TEX264: variants seen among roughly 807,000 people sequenced by gnomAD.
TEX264 encodes the protein testis-expressed protein 264.
TEX264 carries 13 observed loss-of-function variants against 23.4 expected under a neutral mutation model. The observed-to-expected ratio is 0.56, with a 90% CI of 0.36 to 0.88. The LOEUF is 0.88. Among genes scored for constraint, TEX264 ranks in the 40% least tolerant of loss-of-function variants. TEX264 has a pLI of 0.01. For synonymous variants in TEX264, 159 were observed against 170.0 expected (o/e 0.94, Z 0.50); for missense variants, 340 against 406.8 (o/e 0.84, Z 1.41).
chr3:51,689,756 C>G (rs1462030321), intron 3 of TEX264, among the ~76,000 whole-genome samples: 1 of 152,238 alleles, frequency 6.6e-6, no homozygotes, highest in African/African-American at 2.4e-5. Context: ...CACTACATGT[C>G]TGTTCTCGAT....
rs745345314 is a variant in TEX264, at chr3:51,674,502, G to A, written c.198G>A (p.Glu66=). The A allele has an allele frequency of 3.1e-6, 5 of 1,614,194 alleles. No individual in the cohort carries two copies. The highest frequency in any genetic ancestry group is 4.2e-6 in the Non-Finnish European group (5 of 1,180,046). The change falls in exon 2 of 5, where the codon GAG becomes GAA. Residue 66 remains glutamate (E), a synonymous_variant. Coordinates refer to ENST00000341333, the MANE Select transcript of TEX264 (RefSeq NM_015926.6). ...GTGAGACTGGGCGGCTTTTCACTGAGAGCTGCAGCATCTCTCCCAAGCTCC... is the reference window on the plus strand; with the variant it reads ...GTGAGACTGGGCGGCTTTTCACTGAAAGCTGCAGCATCTCTCCCAAGCTCC... ...LYGETGRLFT[E]SCSISPKLRS... is the part of the protein sequence containing the mutation.
At chr3:51,677,730 T>C (rs963767763) in intron 2 of TEX264, among the ~76,000 whole-genome samples, 11 of 152,166 alleles carry the variant, frequency 7.2e-5, no homozygotes, top group Admixed American at 6.5e-5. Flanking sequence ...ACCACTAAGA[T>C]TGGACAGTGG....
intron 3 of TEX264, 116 bp downstream of exon 3, chr3:51,684,750 G>T (rs1056315534): frequency 3.1e-6 from 3 of 973,870 alleles, no homozygotes; most frequent in Admixed American, 2.1e-5. Context: ...GCACCCTGGG[G>T]CCCTCATGGA....
At chr3:51,672,844 C>T (rs1398107807) in intron 1 of TEX264, among the ~76,000 whole-genome samples, 2 of 151,966 alleles carry the variant, frequency 1.3e-5, no homozygotes, top group Non-Finnish European at 2.9e-5. Context: ...CAGTGCCTGG[C>T]GTATAGTAAG....
chr3:51,692,265 C>T lies in TEX264; in HGVS notation c.481-7141C>T, dbSNP rs1702856382. On this transcript the variant is annotated intron_variant, in intron 3 of 4. Coordinates refer to ENST00000341333, the MANE Select transcript of TEX264 (RefSeq NM_015926.6). ...CAAAGAAGAATTCTGTTGCTCTTCT[C>T]CAGGAAGCTTGAGATTGGAATTAGG... 2.0e-5 allele frequency among the ~76,000 whole-genome samples: 3 copies of T among 152,148 alleles called. No individual in the cohort carries two copies. The South Asian group carries it at 6.2e-4, about 31-fold the overall frequency.
chr3:51,694,063 TCCCTTCC>T (rs1702946909), intron 3 of TEX264, among the ~76,000 whole-genome samples: 1 of 110,880 alleles, frequency 9.0e-6, no homozygotes, highest in African/African-American at 3.4e-5. Context: ...TCCCTTCCCT[TCCCTTCC>T]CCTTCCTTCC....
intron 3 of TEX264, among the ~76,000 whole-genome samples, chr3:51,698,048 G>C (rs1337532641): frequency 1.3e-5 from 2 of 152,178 alleles, no homozygotes; most frequent in East Asian, 1.9e-4. Context: ...CAGAGGCTGA[G>C]CCACAGCCAG....
chr3:51,704,151 C>G lies in TEX264; in HGVS notation c.*135C>G. On this transcript the variant is annotated 3_prime_UTR_variant, in exon 5 of 5. Transcript: ENST00000341333. ...GGACCTGACTTCCCCTGCTCCAGGC[C>G]TCTTGCTAAGCCTTCTCCTCACTGC... The G allele has an allele frequency of 7.1e-6, 6 of 844,350 alleles. No individual in the cohort carries two copies. Among genetic ancestry groups the G allele is most frequent in the Non-Finnish European group, 8.1e-6 (5 of 617,052 alleles). 52.3% of individuals were successfully genotyped at this position (844,350 alleles called of 1,614,324 possible).
At chr3:51,699,600 G>C in intron 4 of TEX264, 26 bp downstream of exon 4, 1 of 1,610,156 alleles carries the variant, frequency 6.2e-7, no homozygotes, top group Non-Finnish European at 8.5e-7. Context: ...TATGAGGATG[G>C]GGCCCTCCTG....
rs1378413880 is a variant in TEX264, at chr3:51,704,168, C to T, written c.*152C>T. ...CTCCAGGCCTCTTGCTAAGCCTTCTCCTCACTGCCCTTTAGGCTCCCAGGG... is the reference window on the plus strand; with the variant it reads ...CTCCAGGCCTCTTGCTAAGCCTTCTTCTCACTGCCCTTTAGGCTCCCAGGG... On this transcript the variant is annotated 3_prime_UTR_variant, in exon 5 of 5. Transcript: ENST00000341333. The T allele has an allele frequency of 7.6e-6, 5 of 659,994 alleles. No homozygotes were observed. The highest frequency in any genetic ancestry group is 8.7e-6 in the Non-Finnish European group (4 of 458,108). 40.9% of individuals were successfully genotyped at this position (659,994 alleles called of 1,614,324 possible). A position where few individuals can be genotyped will look rare whatever the true frequency, so the allele number is the denominator to read the frequency against.
At position 51,699,501 on chromosome 3, in the gene TEX264, G is replaced by T; in HGVS notation, c.576G>T (p.Val192=). The change falls in exon 4 of 5, where the codon GTG becomes GTT. Residue 192 remains valine, a synonymous_variant. Coordinates refer to ENST00000341333, the MANE Select transcript of TEX264 (RefSeq NM_015926.6). ...TGGCACGGCAGGGAGACTTCTATGT[G>T]CCTGAGATGAAGGAGACAGAGTGGA... ...CPLARQGDFY[V]PEMKETEWKW... is the part of the protein sequence containing the mutation. 5 of 1,614,148 alleles carry T rather than the reference G, an allele frequency of 3.1e-6. No individual in the cohort carries two copies. Among genetic ancestry groups the T allele is most frequent in the Non-Finnish European group, 4.2e-6 (5 of 1,179,966 alleles).
chr3:51,679,009 G>C (rs1473543818), intron 2 of TEX264, among the ~76,000 whole-genome samples: 1 of 152,200 alleles, frequency 6.6e-6, no homozygotes, highest in Non-Finnish European at 1.5e-5. Context: ...CTGTGCAGCA[G>C]GTTAACTATG....
Position 51,703,616 on chromosome 3 carries a change from C to A in TEX264, c.650-108C>A. On this transcript the variant is annotated intron_variant, in intron 4 of 4. Coordinates refer to ENST00000341333, the MANE Select transcript of TEX264 (RefSeq NM_015926.6). The surrounding 1 kb of genome is among the most constrained non-coding windows in gnomAD (Gnocchi z 4.8). Reference sequence around the variant, plus strand: ...GGGCAGCTGGAGCAAGCCCCCTGAGCCCGGGAGGCTGCATTATTCATGAGT... The same window carrying A: ...GGGCAGCTGGAGCAAGCCCCCTGAGACCGGGAGGCTGCATTATTCATGAGT... The A allele has an allele frequency of 8.4e-7, 1 of 1,196,012 alleles. No homozygotes were observed. Among genetic ancestry groups the A allele is most frequent in the Non-Finnish European group, 1.2e-6 (1 of 858,870 alleles). 74.1% of individuals were successfully genotyped at this position (1,196,012 alleles called of 1,614,324 possible). A position where few individuals can be genotyped will look rare whatever the true frequency, so the allele number is the denominator to read the frequency against.
At position 51,703,687 on chromosome 3, in the gene TEX264, G is replaced by A. The variant is rs1286835824; in HGVS notation, c.650-37G>A. 23 of 1,542,378 alleles carry A rather than the reference G, an allele frequency of 1.5e-5. No homozygotes were observed. Among genetic ancestry groups the A allele is most frequent in the Non-Finnish European group, 1.9e-5 (22 of 1,137,716 alleles). ...TCTCCCTGGAGGAGGGGGTGGGGTGGTCCTAGCTAACCTGTGCTCCCTTTT... is the reference window on the plus strand; with the variant it reads ...TCTCCCTGGAGGAGGGGGTGGGGTGATCCTAGCTAACCTGTGCTCCCTTTT... On this transcript the variant is annotated intron_variant, in intron 4 of 4. Transcript: ENST00000341333. The surrounding 1 kb of genome is among the most constrained non-coding windows in gnomAD (Gnocchi z 4.8).
At chr3:51,696,325 A>G (rs931316454) in intron 3 of TEX264, among the ~76,000 whole-genome samples, 21 of 152,150 alleles carry the variant, frequency 1.4e-4, no homozygotes, top group African/African-American at 4.1e-4. Context: ...ACCTTGAGCT[A>G]GTGTCCTTGG....
rs148045890 is a variant in TEX264 at position 51,673,383 on chromosome 3, T to C, written c.-34-888T>C. Among the ~76,000 whole-genome samples, 35 of 152,350 alleles carry C rather than the reference T, an allele frequency of 2.3e-4. 1 individual carries two copies. In the East Asian group the frequency reaches 6.6e-3, roughly 29 times the overall value. On this transcript the variant is annotated intron_variant, in intron 1 of 4. Coordinates refer to ENST00000341333, the MANE Select transcript of TEX264 (RefSeq NM_015926.6). ...GGAGAACTAGGCAGCCTGCCTTGAA[T>C]AGCTCACAGACTGGCCTCTGTGTTA...
chr3:51,675,124 G>C (rs1702186455), intron 2 of TEX264, among the ~76,000 whole-genome samples: 1 of 152,210 alleles, frequency 6.6e-6, no homozygotes, highest in African/African-American at 2.4e-5. Context: ...CCTCAAGCTG[G>C]TGCTGGGAGA....
intron 2 of TEX264, among the ~76,000 whole-genome samples, chr3:51,678,296 C>T (rs1416165013): frequency 6.6e-6 from 1 of 152,184 alleles, no homozygotes; most frequent in East Asian, 1.9e-4. Flanking sequence ...CTCGCTTGAT[C>T]CTGGCCAGCT....
At chr3:51,700,119 C>T (rs2107038786) in intron 4 of TEX264, among the ~76,000 whole-genome samples, 1 of 152,250 alleles carries the variant, frequency 6.6e-6, no homozygotes, top group South Asian at 2.1e-4. Context: ...AGGGCCAGCC[C>T]ACACTCCTGC....
Sources: allele counts gnomAD v4.1 joint callset (sites outside exome capture counted in the v4.1 genomes callset), GRCh38; gene constraint gnomAD v4.1.1; non-coding constraint Gnocchi (gnomAD v3.1); transcripts MANE v1.5; gene names NCBI Gene and HGNC (gene_info 2026-07-23, HGNC 2026-07-21).